The following TTC28 variants were observed in gnomAD, a reference collection of about 807,000 sequenced individuals.
The protein encoded by TTC28 is tetratricopeptide repeat domain 28.
In TTC28, 61 loss-of-function variants were observed where a neutral mutation model predicts 198.0. The observed-to-expected ratio is 0.31, with a 90% confidence interval of 0.25 to 0.38. TTC28 has a LOEUF of 0.38. TTC28 is among the 10% of genes least tolerant of loss of function. The pLI, the probability that TTC28 is intolerant of heterozygous loss-of-function variation, is 1.00. For missense variants in TTC28, 2,678 were observed against 3,164.0 expected, an observed-to-expected ratio of 0.85 and a Z score of 3.69; for synonymous variants, 1,171 against 1,297.8, an observed-to-expected ratio of 0.90 and a Z score of 2.10.
intron 12 of TTC28, among the ~76,000 whole-genome samples, chr22:28,058,964 A>G (rs1940402827): frequency 6.6e-6 from 1 of 152,192 alleles, no homozygotes; most frequent in South Asian, 2.1e-4. Context: ...CAGCTCTTAT[A>G]GTCATAATTC....
chr22:28,454,912 A>C (rs753718509), intron 2 of TTC28, among the ~76,000 whole-genome samples: 9 of 152,220 alleles, frequency 5.9e-5, no homozygotes, highest in Middle Eastern at 3.2e-3. Context: ...GCTAATTTTT[A>C]AAGTGCTGTC....
At chr22:28,126,733 G>C (rs921215790) in intron 6 of TTC28, among the ~76,000 whole-genome samples, 5 of 152,196 alleles carry the variant, frequency 3.3e-5, no homozygotes, top group Admixed American at 6.5e-5. Flanking sequence ...AGAAGTATGT[G>C]TCTTCCATGG....
intron 3 of TTC28, among the ~76,000 whole-genome samples, chr22:28,302,526 G>A (rs2045047127): frequency 6.6e-6 from 1 of 152,152 alleles, no homozygotes. Context: ...ATTAGGAGAT[G>A]GATATTATAA....
chr22:28,378,230 C>A (rs539939079), intron 2 of TTC28, among the ~76,000 whole-genome samples: 16 of 150,074 alleles, frequency 1.1e-4, no homozygotes, highest in African/African-American at 3.9e-4. Flanking sequence ...CCTGTAATCT[C>A]AGCTGCTTGG....
At chr22:28,106,321 C>A (rs900794458) in intron 7 of TTC28, among the ~76,000 whole-genome samples, 1 of 152,156 alleles carries the variant, frequency 6.6e-6, no homozygotes, top group African/African-American at 2.4e-5. Flanking sequence ...GGGTTCCCCA[C>A]ATTTAGGAGA....
intron 2 of TTC28, among the ~76,000 whole-genome samples, chr22:28,609,720 A>C (rs1007555224): frequency 6.6e-6 from 1 of 151,912 alleles, no homozygotes; most frequent in African/African-American, 2.4e-5. Flanking sequence ...TGGCGCCTGG[A>C]ATGCCAGTGA....
chr22:28,205,838 T>A (rs1019333421), intron 5 of TTC28, among the ~76,000 whole-genome samples: 2 of 151,930 alleles, frequency 1.3e-5, no homozygotes, highest in Non-Finnish European at 2.9e-5. Flanking sequence ...ATAGAAATAA[T>A]ACCCTGGAAG....
intron 5 of TTC28, among the ~76,000 whole-genome samples, chr22:28,168,854 G>A (rs1009300166): frequency 6.6e-6 from 1 of 152,134 alleles, no homozygotes; most frequent in African/African-American, 2.4e-5. Context: ...CTTCTGCACA[G>A]CAAAAGAAAC....
chr22:28,127,935 C>T (rs1388774044), intron 6 of TTC28, among the ~76,000 whole-genome samples: 1 of 148,836 alleles, frequency 6.7e-6, no homozygotes, highest in African/African-American at 2.5e-5. Context: ...CATTATATTG[C>T]CCAGACTGGT....
At chr22:28,100,389 A>G (rs1347298184) in intron 9 of TTC28, among the ~76,000 whole-genome samples, 1 of 152,244 alleles carries the variant, frequency 6.6e-6, no homozygotes, top group Non-Finnish European at 1.5e-5. Context: ...GAGCTATAAT[A>G]AGTACTTTGA....
At chr22:28,174,057 G>A (rs183480664) in intron 5 of TTC28, among the ~76,000 whole-genome samples, 9 of 152,094 alleles carry the variant, frequency 5.9e-5, no homozygotes, top group East Asian at 5.8e-4. Context: ...CCAGTTCAGC[G>A]CCCATAAACC....
At chr22:28,505,788 G>A (rs560397412) in intron 2 of TTC28, among the ~76,000 whole-genome samples, 68 of 152,338 alleles carry the variant, frequency 4.5e-4, no homozygotes, top group Non-Finnish European at 5.3e-4. Flanking sequence ...TCACTCTGCA[G>A]GCCCCACTTC....
chr22:28,156,741 G>A (rs1413949981), intron 6 of TTC28, among the ~76,000 whole-genome samples: 1 of 152,214 alleles, frequency 6.6e-6, no homozygotes, highest in Non-Finnish European at 1.5e-5. Flanking sequence ...TGAATATAGA[G>A]TTGGAAACAC....
intron 12 of TTC28, among the ~76,000 whole-genome samples, chr22:28,086,989 T>A (rs1229284256): frequency 2.6e-5 from 4 of 152,062 alleles, no homozygotes; most frequent in African/African-American, 9.7e-5. Flanking sequence ...AATAGACCAA[T>A]AACAGGCTCC....
At chr22:28,426,208 C>T (rs1268066501) in intron 2 of TTC28, among the ~76,000 whole-genome samples, 8 of 93,152 alleles carry the variant, frequency 8.6e-5, no homozygotes, top group African/African-American at 1.6e-4. Context: ...TGAGACTCCA[C>T]GTCAAAAAAA....
At chr22:27,996,334 C>T (rs1411694969) in intron 16 of TTC28, 75 bp from the exon 17 acceptor site, 81 of 1,514,686 alleles carry the variant, frequency 5.3e-5, no homozygotes, top group Non-Finnish European at 6.7e-5. Context: ...CCAGGGCTCA[C>T]TTACGCCTCG....
intron 19 of TTC28, among the ~76,000 whole-genome samples, chr22:27,991,818 T>C (rs1027977231): frequency 1.3e-5 from 2 of 152,204 alleles, no homozygotes; most frequent in East Asian, 3.9e-4. Flanking sequence ...AGGACCTACA[T>C]GATGCTAAGA....
At position 27,983,194 on chromosome 22, in the gene TTC28, T is replaced by C; in HGVS notation, c.6473A>G (p.Asp2158Gly). 4 of 1,551,868 alleles carry C rather than the reference T, an allele frequency of 2.6e-6. No homozygotes were observed. The highest frequency in any genetic ancestry group is 2.6e-6 in the Non-Finnish European group (3 of 1,147,028). Residue 2158 changes from aspartate (D) to glycine (G), a missense_variant, in exon 23 of 23, where the codon GAT becomes GGT. This residue lies in a region of TTC28 where 622 missense variants were observed against 656.0 expected (regional missense o/e 0.95). Coordinates refer to ENST00000397906, the MANE Select transcript of TTC28 (RefSeq NM_001145418.2). ...KSQEESNPKLDPQELAQKILE... is the reference protein window; with the variant it reads ...KSQEESNPKLGPQELAQKILE... Reference sequence around the variant, plus strand: ...AATTTTCTGGGCTAACTCTTGTGGATCCAGTTTTGGGTTGCTTTCTTCTTG... The same window carrying C: ...AATTTTCTGGGCTAACTCTTGTGGACCCAGTTTTGGGTTGCTTTCTTCTTG...
chr22:28,037,773 C>G (rs1051488649), intron 12 of TTC28, among the ~76,000 whole-genome samples: 2 of 152,096 alleles, frequency 1.3e-5, no homozygotes, highest in African/African-American at 2.4e-5. Flanking sequence ...AAAACCCCAT[C>G]GTCTCAGCCC....
Sources: gnomAD v4.1 joint callset for allele counts (sites outside exome capture counted in the v4.1 genomes callset) on GRCh38, gnomAD v4.1.1 for gene constraint, gnomAD v4.1.1 regional missense constraint, MANE v1.5 for transcripts, NCBI Gene and HGNC (gene_info 2026-07-23, HGNC 2026-07-21) for gene names.